The following C1orf21 variants were observed in gnomAD, a reference collection of about 807,000 sequenced individuals.
The protein encoded by C1orf21 is chromosome 1 open reading frame 21.
In C1orf21, 3 loss-of-function variants were observed where a neutral mutation model predicts 18.7. The ratio of observed to expected loss-of-function variants is 0.16; its 90% confidence interval spans 0.07 to 0.42. The LOEUF (loss-of-function observed/expected upper bound fraction) is 0.42, where lower values mean the gene tolerates loss of function less well. Among genes scored for constraint, C1orf21 ranks in the 10% least tolerant of loss-of-function variants. The pLI, the probability that C1orf21 is intolerant of heterozygous loss-of-function variation, is 0.99. For missense variants in C1orf21, 104 were observed against 143.6 expected, an observed-to-expected ratio of 0.72 and a Z score of 1.41; for synonymous variants, 41 against 46.4, an observed-to-expected ratio of 0.88 and a Z score of 0.47.
At chr1:184,416,371 G>A (rs1244855745) in intron 1 of C1orf21, among the ~76,000 whole-genome samples, 1 of 152,098 alleles carries the variant, frequency 6.6e-6, no homozygotes, top group East Asian at 1.9e-4. Context: ...TAATCAAAAT[G>A]TTAGAAGGCA....
chr1:184,424,314 T>C (rs1656598610), intron 1 of C1orf21, among the ~76,000 whole-genome samples: 1 of 152,158 alleles, frequency 6.6e-6, no homozygotes, highest in Admixed American at 6.6e-5. Context: ...ACAATTCATA[T>C]CTCAGCCCTC....
At chr1:184,609,008 A>T (rs1571300246) in intron 5 of C1orf21, among the ~76,000 whole-genome samples, 1 of 152,284 alleles carries the variant, frequency 6.6e-6, no homozygotes, top group East Asian at 1.9e-4. Context: ...GGCCAAATGC[A>T]TGTGCTTCCT....
At chr1:184,469,213 G>A (rs1206983434) in intron 1 of C1orf21, among the ~76,000 whole-genome samples, 3 of 152,220 alleles carry the variant, frequency 2.0e-5, no homozygotes, top group African/African-American at 4.8e-5. Flanking sequence ...TCGCGCCACT[G>A]CACTCCAGTC....
chr1:184,498,596 G>T (rs1246260529), intron 2 of C1orf21, among the ~76,000 whole-genome samples: 1 of 152,160 alleles, frequency 6.6e-6, no homozygotes, highest in Admixed American at 6.5e-5. Context: ...AACAACTCAT[G>T]TTTTAGGTCC....
At chr1:184,433,274 T>C (rs1656798832) in intron 1 of C1orf21, among the ~76,000 whole-genome samples, 1 of 152,184 alleles carries the variant, frequency 6.6e-6, no homozygotes, top group African/African-American at 2.4e-5. Flanking sequence ...GTGCCAACAG[T>C]GGCACTGGGG....
At chr1:184,593,457 T>G (rs959599085) in intron 4 of C1orf21, among the ~76,000 whole-genome samples, 1 of 152,202 alleles carries the variant, frequency 6.6e-6, no homozygotes, top group Non-Finnish European at 1.5e-5. Context: ...AAGATGAGGC[T>G]TCTTCTTCCC....
chr1:184,398,698 A>G (rs1656102334), intron 1 of C1orf21, among the ~76,000 whole-genome samples: 1 of 152,228 alleles, frequency 6.6e-6, no homozygotes, highest in South Asian at 2.1e-4. Flanking sequence ...ATAGACCTGT[A>G]CAATACATCT....
chr1:184,533,183 C>T (rs1658495769), intron 3 of C1orf21, among the ~76,000 whole-genome samples: 1 of 152,070 alleles, frequency 6.6e-6, no homozygotes, highest in Admixed American at 6.6e-5. Context: ...CAAGCTCCTT[C>T]CCCACTAGAG....
At chr1:184,452,816 C>T (rs973631520) in intron 1 of C1orf21, among the ~76,000 whole-genome samples, 1 of 152,096 alleles carries the variant, frequency 6.6e-6, no homozygotes, top group African/African-American at 2.4e-5. Context: ...CTTGAGCTCT[C>T]TCTGTCTTTC....
intron 2 of C1orf21, among the ~76,000 whole-genome samples, chr1:184,503,689 C>T (rs975509381): frequency 6.6e-6 from 1 of 152,126 alleles, no homozygotes; most frequent in Non-Finnish European, 1.5e-5. Context: ...TTGTGTTCAA[C>T]CCAATAAAGA....
At chr1:184,557,238 A>G (rs1558002063) in intron 3 of C1orf21, among the ~76,000 whole-genome samples, 1 of 151,934 alleles carries the variant, frequency 6.6e-6, no homozygotes, top group Middle Eastern at 3.4e-3. Context: ...ATTTGTGTGT[A>G]TGTGTGTTTT....
intron 3 of C1orf21, among the ~76,000 whole-genome samples, chr1:184,587,796 G>A (rs150286861): frequency 4.0e-4 from 61 of 151,546 alleles, no homozygotes; most frequent in South Asian, 1.0e-3. Context: ...TTATATTTTC[G>A]TAGAGATGGA....
intron 1 of C1orf21, among the ~76,000 whole-genome samples, chr1:184,446,851 G>GT (rs928078620): frequency 0.09 from 11,641 of 129,106 alleles, 1,576 homozygotes; most frequent in African/African-American, 0.29. Context: ...TTTTTTCGTG[G>GT]TTTTTTTTTT....
chr1:184,577,606 T>A (rs1659211727), intron 3 of C1orf21, among the ~76,000 whole-genome samples: 1 of 152,138 alleles, frequency 6.6e-6, no homozygotes, highest in Non-Finnish European at 1.5e-5. Context: ...TATGGCACAA[T>A]GAGTGTGAGA....
intron 3 of C1orf21, among the ~76,000 whole-genome samples, chr1:184,526,613 C>A (rs528632049): frequency 6.6e-6 from 1 of 152,154 alleles, no homozygotes; most frequent in Non-Finnish European, 1.5e-5. Flanking sequence ...GGCCAACTAA[C>A]TCCAAGTATA....
chr1:184,499,330 A>G (rs1385260380), intron 2 of C1orf21, among the ~76,000 whole-genome samples: 1 of 152,218 alleles, frequency 6.6e-6, no homozygotes, highest in Admixed American at 6.5e-5. Flanking sequence ...ATTACCATAT[A>G]TTGGAGAAAA....
intron 1 of C1orf21, among the ~76,000 whole-genome samples, chr1:184,430,359 T>C (rs1656720970): frequency 6.6e-6 from 1 of 152,142 alleles, no homozygotes; most frequent in Admixed American, 6.5e-5. Flanking sequence ...TCCTCAGATA[T>C]GAGGATTGTG....
chr1:184,623,365 G>C lies in C1orf21; in HGVS notation c.*3809G>C, dbSNP rs567571744. The C allele has an allele frequency of 2.0e-5, 3 of 150,628 alleles. No individual in the cohort carries two copies. Among genetic ancestry groups the C allele is most frequent in the East Asian group, 3.9e-4 (2 of 5,178 alleles). 9.3% of individuals were successfully genotyped at this position (150,628 alleles called of 1,614,324 possible). On this transcript the variant is annotated 3_prime_UTR_variant, in exon 6 of 6. Coordinates refer to ENST00000235307, the MANE Select transcript of C1orf21 (RefSeq NM_030806.4). ...CCTTCCTGCCTCCCCTAAAGAAAAA[G>C]GATATTAGATTGCACACTATAATTT...
At chr1:184,564,562 C>A (rs1211225562) in intron 3 of C1orf21, among the ~76,000 whole-genome samples, 3 of 152,154 alleles carry the variant, frequency 2.0e-5, no homozygotes, top group African/African-American at 7.2e-5. Flanking sequence ...GCCTCAGCCT[C>A]CCAAAGTGCT....
Sources: allele counts gnomAD v4.1 joint callset (sites outside exome capture counted in the v4.1 genomes callset), GRCh38; gene constraint gnomAD v4.1.1; transcripts MANE v1.5; gene names NCBI Gene and HGNC (gene_info 2026-07-23, HGNC 2026-07-21).